Variants in VIL1 observed in about 807,000 individuals in gnomAD.
VIL1 encodes villin-1.
A neutral mutation model predicts 104.0 loss-of-function variants in VIL1; 86 were observed. The ratio of observed to expected loss-of-function variants is 0.83; its 90% CI spans 0.69 to 0.99. The LOEUF is 0.99. Among genes scored for constraint, VIL1 ranks in the 50% least tolerant of loss-of-function variants. The probability of loss-of-function intolerance (pLI) is 0.00; values close to 1 mark genes in which losing one functional copy is unlikely to be tolerated. For synonymous variants in VIL1, 394 were observed against 412.6 expected (o/e 0.95, Z 0.55); for missense variants, 944 against 1,054.1 (o/e 0.90, Z 1.45).
At position 218,451,159 on chromosome 2, in the gene VIL1, T is replaced by C. The variant is rs575013554; in HGVS notation, c.*1823T>C. ...ATAAAAAGATGTTGGAGGGCAGAAG[T>C]CTATTTAGTTTTTGTATACACTTGC... is the stretch of plus-strand genomic sequence containing the variant. On this transcript the variant is annotated 3_prime_UTR_variant, in exon 20 of 20. Coordinates refer to ENST00000248444, the MANE Select transcript of VIL1 (RefSeq NM_007127.3). 1 of 152,326 alleles carries C rather than the reference T, an allele frequency of 6.6e-6. No individual in the cohort carries two copies. The highest frequency in any genetic ancestry group is 1.9e-4 in the East Asian group (1 of 5,186). The allele number at this position is 152,326 out of a possible 1,614,324, so 9.4% of individuals were successfully genotyped here.
chr2:218,429,955 TG>T lies in VIL1; in HGVS notation c.948+13del. The T allele has an allele frequency of 1.7e-6, 1 of 577,708 alleles. No homozygotes were observed. Among genetic ancestry groups the T allele is most frequent in the Non-Finnish European group, 2.5e-6 (1 of 394,762 alleles). 35.8% of individuals were successfully genotyped at this position (577,708 alleles called of 1,614,324 possible). A position where few individuals can be genotyped will look rare whatever the true frequency, so the allele number is the denominator to read the frequency against. ...GCCATGAGCCATGCGCTGGTAGTGG[TG>T]GGGGCGGGGGAGGGTCCAGGAGGAG... On this transcript the variant is annotated intron_variant, in intron 9 of 19. Transcript: ENST00000248444.
At chr2:218,426,227 T>TA (rs2106390778) in intron 4 of VIL1, among the ~76,000 whole-genome samples, 1 of 151,938 alleles carries the variant, frequency 6.6e-6, no homozygotes, top group African/African-American at 2.4e-5. Context: ...CCTATCACAC[T>TA]AAAAACCAAG....
Position 218,424,285 on chromosome 2 carries a change from G to T in VIL1, c.84G>T (p.Gln28His). 1 of 1,614,036 alleles carries T rather than the reference G, an allele frequency of 6.2e-7. No individual in the cohort carries two copies. Among genetic ancestry groups the T allele is most frequent in the Non-Finnish European group, 8.5e-7 (1 of 1,180,020 alleles). ...CCTCTTTCTCTCCTTAGGCCATGCA[G>T]ATGGTGCCTGTTCCTTCCAGCACCT... ...GLQIWRIEAM[Q>H]MVPVPSSTFG... Residue 28 changes from glutamine (Q) to histidine (H), a missense_variant, in exon 3 of 20, where the codon CAG becomes CAT. Gln to His is a conservative substitution (Grantham distance 24, BLOSUM62 0). Transcript: ENST00000248444.
intron 18 of VIL1, among the ~76,000 whole-genome samples, chr2:218,439,064 G>A (rs1354738400): frequency 6.6e-6 from 1 of 151,404 alleles, no homozygotes; most frequent in Non-Finnish European, 1.5e-5. Flanking sequence ...CCAAGTAGCT[G>A]GGATTACAGG....
intron 6 of VIL1, 76 bp downstream of exon 6, chr2:218,428,413 C>T: frequency 7.8e-7 from 1 of 1,281,270 alleles, no homozygotes; most frequent in Non-Finnish European, 1.1e-6. Context: ...CAGGCCTCTC[C>T]CCGCTGACTG....
chr2:218,425,819 G>T lies in VIL1; in HGVS notation c.347+8G>T, dbSNP rs1179678928. Reference sequence around the variant, plus strand: ...CTTCAAGCAAGGCCTTGTGTAGGGAGGGTGGGCTGCAGGCCGGGGGAATGA... The same window carrying T: ...CTTCAAGCAAGGCCTTGTGTAGGGATGGTGGGCTGCAGGCCGGGGGAATGA... On this transcript the variant is annotated splice_region_variant and intron_variant, in intron 4 of 19. Coordinates refer to ENST00000248444, the MANE Select transcript of VIL1 (RefSeq NM_007127.3). 1 of 1,599,674 alleles carries T rather than the reference G, an allele frequency of 6.3e-7. No homozygotes were observed. Among genetic ancestry groups the T allele is most frequent in the East Asian group, 2.2e-5 (1 of 44,702 alleles).
intron 19 of VIL1, 64 bp downstream of exon 19, chr2:218,440,926 A>C: frequency 6.3e-7 from 1 of 1,591,124 alleles, no homozygotes; most frequent in African/African-American, 1.3e-5. Context: ...GTTGACTCCC[A>C]GATTTGGCCC....
intron 15 of VIL1, 45 bp downstream of exon 15, chr2:218,435,479 G>GGGACCTGAGAGTTA: frequency 6.3e-7 from 1 of 1,598,042 alleles, no homozygotes; most frequent in Non-Finnish European, 8.5e-7. Flanking sequence ...AGGTGGGGGA[G>GGGACCTGAGAGTTA]CCGCCCAGCA....
At position 218,444,123 on chromosome 2, in the gene VIL1, AC is replaced by A. The variant is rs1326209581; in HGVS notation, c.2370+3264del. ...TGGGATTACAGGCGTGCGCCACCAT[AC>A]CCGGCTAATTTGTTTTTGTATTTTT... is the stretch of plus-strand genomic sequence containing the variant. On this transcript the variant is annotated intron_variant, in intron 19 of 19. Transcript: ENST00000248444. Among the ~76,000 whole-genome samples the A allele has an allele frequency of 7.4e-5, 11 of 148,966 alleles. No homozygotes were observed. In the East Asian group the frequency reaches 2.3e-3, roughly 31 times the overall value.
chr2:218,423,276 T>C (rs1688925891), intron 1 of VIL1, among the ~76,000 whole-genome samples: 1 of 152,090 alleles, frequency 6.6e-6, no homozygotes, highest in African/African-American at 2.4e-5. Context: ...ACGCCTGTAA[T>C]CCCAGCTATG....
Position 218,433,013 on chromosome 2 carries a change from A to T in VIL1, c.1500+62A>T, listed in dbSNP as rs566007689. On this transcript the variant is annotated intron_variant, in intron 13 of 19. Coordinates refer to ENST00000248444, the MANE Select transcript of VIL1 (RefSeq NM_007127.3). The stretch of plus-strand genomic sequence containing the variant: ...CTGTGGCAAGACAGGCATCCGGGAG[A>T]TGGAGAAGGGGATGGGTGGTGGGAG... The T allele has an allele frequency of 2.0e-3, 3,121 of 1,599,928 alleles. 2 individuals are homozygous for T. Among genetic ancestry groups the T allele is most frequent in the Non-Finnish European group, 2.3e-3 (2,724 of 1,170,044 alleles).
At chr2:218,432,618 A>G in intron 12 of VIL1, 175 bp from the exon 13 acceptor site, 1 of 932,564 alleles carries the variant, frequency 1.1e-6, no homozygotes, top group Non-Finnish European at 1.7e-6. Flanking sequence ...TTGAGATCAG[A>G]ACTGAGGTAT....
At chr2:218,420,442 A>AG (rs1688882356) in intron 1 of VIL1, among the ~76,000 whole-genome samples, 1 of 149,564 alleles carries the variant, frequency 6.7e-6, no homozygotes, top group South Asian at 2.1e-4. Flanking sequence ...AAAAAAAAAA[A>AG]AAAAAGAAAA....
rs369211458 is a variant in VIL1, at chr2:218,424,360, G to C, written c.150+9G>C. 4 of 1,613,456 alleles carry C rather than the reference G, an allele frequency of 2.5e-6. No homozygotes were observed. In the African/African-American group the frequency reaches 5.3e-5, roughly 22 times the overall value. ...GCTACATCATCCTGGCTGTGAGTCA[G>C]GGGCAGGGGAGGGGGCTGAGCAGAG... On this transcript the variant is annotated intron_variant, in intron 3 of 19. Transcript: ENST00000248444.
chr2:218,420,299 C>T (rs544837264), intron 1 of VIL1, among the ~76,000 whole-genome samples: 39 of 151,906 alleles, frequency 2.6e-4, no homozygotes, highest in African/African-American at 8.9e-4. Context: ...TGTGCTCGCG[C>T]ACGCCTATAG....
In VIL1 at chr2:218,425,641, C is replaced by G. The variant is rs369544868; in HGVS notation, c.177C>G (p.Ser59=). 6.2e-7 allele frequency: 1 copy of G among 1,614,208 alleles called. No individual in the cohort carries two copies. The highest frequency in any genetic ancestry group is 1.7e-5 in the Admixed American group (1 of 60,020). ...TCCACAAGACAGCCAGCAGCCTGTC[C>G]TATGACATCCACTACTGGATTGGCC... The part of the protein sequence containing the change: ...LAIHKTASSL[S]YDIHYWIGQD... Residue 59 remains serine (S), a synonymous_variant, in exon 4 of 20, where the codon TCC becomes TCG. Coordinates refer to ENST00000248444, the MANE Select transcript of VIL1 (RefSeq NM_007127.3).
intron 18 of VIL1, 151 bp from the exon 19 acceptor site, chr2:218,440,571 A>G (rs951079768): frequency 7.8e-6 from 7 of 898,092 alleles, no homozygotes; most frequent in Non-Finnish European, 1.2e-5. Flanking sequence ...CACCCAGCCT[A>G]TGTTGTTCTT....
intron 17 of VIL1, among the ~76,000 whole-genome samples, chr2:218,437,921 C>G (rs991141197): frequency 2.0e-5 from 3 of 152,162 alleles, no homozygotes; most frequent in Non-Finnish European, 4.4e-5. Flanking sequence ...GGAAGAAGGC[C>G]AAGGTACAGT....
rs756097798 is a variant in VIL1 at position 218,432,904 on chromosome 2, C to A, written c.1453C>A (p.Pro485Thr). The A allele has an allele frequency of 2.5e-6, 4 of 1,614,184 alleles. No individual in the cohort carries two copies. Among genetic ancestry groups the A allele is most frequent in the Admixed American group, 1.7e-5 (1 of 60,018 alleles). Residue 485 changes from proline to threonine, a missense_variant, in exon 13 of 20, where the codon CCA becomes ACA. Pro to Thr is a conservative substitution (Grantham distance 38). Coordinates refer to ENST00000248444, the MANE Select transcript of VIL1 (RefSeq NM_007127.3). ...GATCCGGGTCCCAATGGGCAAGGAG[C>A]CACCTCATCTTATGTCCATCTTCAA... is the stretch of plus-strand genomic sequence containing the variant. ...VQIRVPMGKEPPHLMSIFKGR... is the reference protein window; with the variant it reads ...VQIRVPMGKETPHLMSIFKGR...
Sources: gnomAD v4.1 joint callset for allele counts (sites outside exome capture counted in the v4.1 genomes callset) on GRCh38, gnomAD v4.1.1 for gene constraint, MANE v1.5 for transcripts, NCBI Gene and HGNC (gene_info 2026-07-23, HGNC 2026-07-21) for gene names.